Variants in AHI1 observed in about 807,000 individuals in gnomAD.
The protein encoded by AHI1 is Abelson helper integration site 1.
A neutral mutation model predicts 149.3 loss-of-function variants in AHI1; 123 were observed. That is an observed-to-expected ratio of 0.82 (90% CI 0.71 to 0.96). The LOEUF (loss-of-function observed/expected upper bound fraction) is 0.96. AHI1 is among the 40% of genes least tolerant of loss of function. The probability of loss-of-function intolerance (pLI) is 0.00; values close to 1 mark genes in which losing one functional copy is unlikely to be tolerated. For missense variants in AHI1, 1,439 were observed against 1,422.7 expected (o/e 1.01, Z -0.18); for synonymous variants, 475 against 459.8 (o/e 1.03, Z -0.42).
chr6:135,339,023 G>A (rs1481617937), intron 24 of AHI1, among the ~76,000 whole-genome samples: 2 of 151,878 alleles, frequency 1.3e-5, no homozygotes, highest in Non-Finnish European at 2.9e-5. Flanking sequence ...TGCCTACCGG[G>A]TTCAAGTGAT....
intron 27 of AHI1, among the ~76,000 whole-genome samples, chr6:135,294,575 G>C (rs1782818772): frequency 1.3e-5 from 2 of 150,332 alleles, no homozygotes; most frequent in South Asian, 4.2e-4. Context: ...AAAAATAATA[G>C]ATAGACCATA....
At chr6:135,286,905 A>G (rs1371884958) in intron 28 of AHI1, among the ~76,000 whole-genome samples, 3 of 152,230 alleles carry the variant, frequency 2.0e-5, no homozygotes, top group African/African-American at 7.2e-5. Flanking sequence ...CTCCCTGTAC[A>G]TATACAGAAA....
chr6:135,294,907 T>C (rs1782892658), intron 27 of AHI1, among the ~76,000 whole-genome samples: 1 of 152,002 alleles, frequency 6.6e-6, no homozygotes. Flanking sequence ...GCATGATTTG[T>C]AAAAGAAAAA....
intron 25 of AHI1, among the ~76,000 whole-genome samples, chr6:135,321,056 A>C (rs1786748802): frequency 6.6e-6 from 1 of 152,294 alleles, no homozygotes; most frequent in Middle Eastern, 3.4e-3. Context: ...TCCATTACAC[A>C]ACCTCTTCTA....
Position 135,318,533 on chromosome 6 carries a change from G to A in AHI1, c.3412C>T (p.Pro1138Ser), listed in dbSNP as rs1562490268. The A allele has an allele frequency of 1.3e-6, 2 of 1,590,356 alleles. No individual in the cohort carries two copies. The highest frequency in any genetic ancestry group is 8.6e-7 in the Non-Finnish European group (1 of 1,166,960). ...PEEKTKIEKS[P>S]APQKQSINKN... is the part of the protein sequence containing the mutation. ...AAAACATTTACCTTTTGAGGAGCTGGAGATTTTTCTATTTTAGTTTTTTCC... is the reference window on the plus strand; with the variant it reads ...AAAACATTTACCTTTTGAGGAGCTGAAGATTTTTCTATTTTAGTTTTTTCC... The change falls in exon 26 of 29, where the codon CCA becomes TCA. Residue 1138 changes from proline to serine, a missense_variant. Physicochemically the swap from Pro to Ser is moderately conservative, Grantham distance 74 (BLOSUM62 -1). Transcript: ENST00000265602.
intron 28 of AHI1, among the ~76,000 whole-genome samples, chr6:135,287,079 G>A (rs1272799871): frequency 6.6e-6 from 1 of 152,084 alleles, no homozygotes; most frequent in African/African-American, 2.4e-5. Flanking sequence ...CAAAGTGAGA[G>A]GAAGAGTTCA....
chr6:135,326,491 G>T (rs962711238), intron 24 of AHI1, among the ~76,000 whole-genome samples: 6 of 152,060 alleles, frequency 3.9e-5, no homozygotes, highest in Middle Eastern at 3.2e-3. Context: ...TTACATGGAT[G>T]AATTGTACAG....
At chr6:135,387,907 AC>A in intron 23 of AHI1, 1 of 1,592,296 alleles carries the variant, frequency 6.3e-7, no homozygotes, top group Non-Finnish European at 8.5e-7. Flanking sequence ...GAGAAAGTGA[AC>A]TACCTAACAA....
chr6:135,477,329 C>G (rs1234608125), intron 5 of AHI1, among the ~76,000 whole-genome samples: 2 of 152,184 alleles, frequency 1.3e-5, no homozygotes, highest in African/African-American at 4.8e-5. Context: ...CGTGAGCCAC[C>G]ATGCCCGGCC....
chr6:135,389,572 GT>G (rs1428721110), intron 23 of AHI1, among the ~76,000 whole-genome samples: 1 of 152,160 alleles, frequency 6.6e-6, no homozygotes, highest in Non-Finnish European at 1.5e-5. Context: ...GCTATTCATA[GT>G]TTTAAAAAAT....
chr6:135,438,622 T>C (rs545216380), intron 14 of AHI1, 124 bp from the exon 15 acceptor site: 27 of 737,340 alleles, frequency 3.7e-5, no homozygotes, highest in South Asian at 3.3e-4. Flanking sequence ...CCAAAGACAT[T>C]TGCAGCACAG....
chr6:135,421,226 T>C (rs576200624), intron 20 of AHI1, among the ~76,000 whole-genome samples: 43 of 152,160 alleles, frequency 2.8e-4, no homozygotes, highest in African/African-American at 8.2e-4. Flanking sequence ...ATGAAAAGGT[T>C]TGAAATATTT....
At chr6:135,456,542 C>T (rs1288570477) in intron 9 of AHI1, among the ~76,000 whole-genome samples, 1 of 138,238 alleles carries the variant, frequency 7.2e-6, no homozygotes, top group Admixed American at 7.1e-5. Context: ...GAGATATTGT[C>T]TCAAAAAAAA....
chr6:135,292,497 A>G (rs1313835128), intron 27 of AHI1, among the ~76,000 whole-genome samples: 1 of 152,242 alleles, frequency 6.6e-6, no homozygotes, highest in Non-Finnish European at 1.5e-5. Context: ...ACAAACCTGA[A>G]CAAAACACAT....
At chr6:135,299,320 T>C (rs187259221) in intron 27 of AHI1, among the ~76,000 whole-genome samples, 12 of 152,352 alleles carry the variant, frequency 7.9e-5, no homozygotes, top group Non-Finnish European at 1.5e-4. Context: ...GTCATCTGAA[T>C]CAGAATTTTT....
chr6:135,360,669 T>G (rs879510855), intron 23 of AHI1, among the ~76,000 whole-genome samples: 1 of 152,250 alleles, frequency 6.6e-6, no homozygotes, highest in Non-Finnish European at 1.5e-5. Context: ...AAAATGCTAT[T>G]GCTTATACTC....
At chr6:135,413,750 T>C (rs1781943741) in intron 20 of AHI1, among the ~76,000 whole-genome samples, 1 of 145,682 alleles carries the variant, frequency 6.9e-6, no homozygotes. Context: ...AAAAAAAAAA[T>C]GCCATTTACT....
At chr6:135,327,880 C>T (rs1479524349) in intron 24 of AHI1, among the ~76,000 whole-genome samples, 2 of 152,144 alleles carry the variant, frequency 1.3e-5, no homozygotes, top group African/African-American at 4.8e-5. Context: ...AGAAGCTTCC[C>T]CTCCTTCCTT....
Position 135,413,880 on chromosome 6 carries a change from A to G in AHI1, c.2765-2336T>C, listed in dbSNP as rs574791892. Among the ~76,000 whole-genome samples the G allele has an allele frequency of 2.0e-3, 302 of 152,312 alleles. 2 individuals carry two copies. The highest frequency in any genetic ancestry group is 3.1e-3 in the Non-Finnish European group (212 of 68,014). On this transcript the variant is annotated intron_variant, in intron 20 of 28. Transcript: ENST00000265602. ...GACAAAGCAATTTGTCATTGTGTTC[A>G]TGGGGTGGCATACTCAATATTGGTA...
Sources: allele counts gnomAD v4.1 joint callset (sites outside exome capture counted in the v4.1 genomes callset), GRCh38; gene constraint gnomAD v4.1.1; transcripts MANE v1.5; gene names NCBI Gene and HGNC (gene_info 2026-07-23, HGNC 2026-07-21).